Variants in HIBADH observed in about 807,000 individuals in gnomAD.
HIBADH encodes the protein 3-hydroxyisobutyrate dehydrogenase, mitochondrial.
HIBADH carries 25 observed loss-of-function variants against 36.1 expected under a neutral mutation model. That is an observed-to-expected ratio of 0.69 (90% CI 0.50 to 0.97). The LOEUF is 0.97. HIBADH is among the 50% of genes least tolerant of loss of function. The pLI is 0.00. For missense variants in HIBADH, 421 were observed against 418.0 expected (o/e 1.01, Z -0.06); for synonymous variants, 160 against 149.5 (o/e 1.07, Z -0.51).
At chr7:27,593,496 TA>T (rs34453577) in intron 4 of HIBADH, among the ~76,000 whole-genome samples, 8 of 151,162 alleles carry the variant, frequency 5.3e-5, no homozygotes, top group African/African-American at 9.7e-5. Context: ...AACATACATT[TA>T]AAAAAAAAGA....
intron 4 of HIBADH, among the ~76,000 whole-genome samples, chr7:27,613,531 A>C (rs1487927246): frequency 6.6e-6 from 1 of 151,984 alleles, no homozygotes; most frequent in Non-Finnish European, 1.5e-5. Context: ...GCTGGGAAGA[A>C]ATTTTAAGAA....
At chr7:27,612,386 C>T (rs1308565419) in intron 4 of HIBADH, among the ~76,000 whole-genome samples, 1 of 149,956 alleles carries the variant, frequency 6.7e-6, no homozygotes, top group Non-Finnish European at 1.5e-5. Flanking sequence ...AGTGCAATGG[C>T]TCGATGTCGG....
At chr7:27,620,874 A>G (rs757351315) in intron 4 of HIBADH, among the ~76,000 whole-genome samples, 24 of 152,158 alleles carry the variant, frequency 1.6e-4, no homozygotes, top group Non-Finnish European at 2.4e-4. Context: ...AAAGCCTTGC[A>G]TATCAATAAT....
intron 4 of HIBADH, among the ~76,000 whole-genome samples, chr7:27,585,533 A>G (rs1000818943): frequency 2.6e-5 from 4 of 152,216 alleles, no homozygotes; most frequent in Admixed American, 2.6e-4. Context: ...ATTTGCCTTC[A>G]TTGTGGCTCA....
intron 1 of HIBADH, among the ~76,000 whole-genome samples, chr7:27,660,664 G>GAAAAAAAAAAAATTTTTTTCGAGGGA: frequency 6.8e-6 from 1 of 147,720 alleles, no homozygotes; most frequent in East Asian, 2.0e-4. Context: ...GACTCCGAGG[G>GAAAAAAAAAAAATTTTTTTCGAGGGA]AAAAAAAAAA....
At chr7:27,613,118 ATATATT>A (rs1353793615) in intron 4 of HIBADH, among the ~76,000 whole-genome samples, 5 of 120,372 alleles carry the variant, frequency 4.2e-5, no homozygotes, top group Admixed American at 1.0e-4. Context: ...ATTCATATAA[ATATATT>A]TATATATATT....
rs1784141214 is a variant in HIBADH at position 27,540,982 on chromosome 7, AGC to A, written c.618+1983_618+1984del. Among the ~76,000 whole-genome samples, 4 of 152,184 alleles carry A rather than the reference AGC, an allele frequency of 2.6e-5. No individual in the cohort carries two copies. The South Asian group carries it at 8.3e-4, about 32-fold the overall frequency. ...AGCTGGTATTTATCTTTTCACTTAA[AGC>A]CTCAGAAGTTAGCAACTTTATAGAT... On this transcript the variant is annotated intron_variant, in intron 5 of 7. Transcript: ENST00000265395.
At chr7:27,555,169 G>C (rs1784373353) in intron 4 of HIBADH, among the ~76,000 whole-genome samples, 1 of 152,020 alleles carries the variant, frequency 6.6e-6, no homozygotes, top group African/African-American at 2.4e-5. Context: ...TAAAACCTTG[G>C]AATAAAATTT....
chr7:27,617,606 G>A (rs1190675911), intron 4 of HIBADH, among the ~76,000 whole-genome samples: 1 of 152,054 alleles, frequency 6.6e-6, no homozygotes, highest in Non-Finnish European at 1.5e-5. Context: ...AAACACCAGA[G>A]GCATAGAAAG....
intron 5 of HIBADH, among the ~76,000 whole-genome samples, chr7:27,542,087 T>C (rs1583560357): frequency 6.6e-6 from 1 of 152,244 alleles, no homozygotes; most frequent in African/African-American, 2.4e-5. Context: ...AACAGATTTG[T>C]GCATATTTAT....
intron 4 of HIBADH, among the ~76,000 whole-genome samples, chr7:27,556,989 A>C (rs561380701): frequency 1.4e-3 from 206 of 152,228 alleles, no homozygotes; most frequent in African/African-American, 4.7e-3. Context: ...AAATTTTTAA[A>C]ATTAGCTGAA....
chr7:27,546,548 G>A lies in HIBADH; in HGVS notation c.485-3448C>T, dbSNP rs188408850. On this transcript the variant is annotated intron_variant, in intron 4 of 7. Coordinates refer to ENST00000265395, the MANE Select transcript of HIBADH (RefSeq NM_152740.4). ...TTAGCCCCTCTTTTTAAGTATTAGC[G>A]GGTTTGGGCCGCACCTATAAATAAC... is the stretch of plus-strand genomic sequence containing the variant. 8.6e-4 allele frequency among the ~76,000 whole-genome samples: 131 copies of A among 152,194 alleles called. 2 individuals are homozygous for A. The highest frequency in any genetic ancestry group is 1.3e-3 in the African/African-American group (56 of 41,496).
intron 4 of HIBADH, among the ~76,000 whole-genome samples, chr7:27,559,114 C>T (rs1394813456): frequency 6.6e-6 from 1 of 152,146 alleles, no homozygotes; most frequent in Admixed American, 6.6e-5. Flanking sequence ...CCTGTGTCTT[C>T]CCATCATCTT....
At chr7:27,535,593 T>G (rs1273249530) in intron 6 of HIBADH, among the ~76,000 whole-genome samples, 18 of 152,148 alleles carry the variant, frequency 1.2e-4, no homozygotes, top group Admixed American at 1.2e-3. Flanking sequence ...ATGTTATTTC[T>G]ATGTGATACA....
At chr7:27,607,887 A>G (rs1346002279) in intron 4 of HIBADH, among the ~76,000 whole-genome samples, 1 of 152,224 alleles carries the variant, frequency 6.6e-6, no homozygotes, top group Non-Finnish European at 1.5e-5. Flanking sequence ...TAACTATTTC[A>G]GTGTCTGCCA....
intron 4 of HIBADH, 118 bp downstream of exon 4, chr7:27,629,253 T>G: frequency 4.1e-6 from 4 of 986,132 alleles, no homozygotes; most frequent in Non-Finnish European, 5.8e-6. Context: ...TTATTTTTAA[T>G]GAGAATCCTG....
chr7:27,582,343 T>C (rs1184188899), intron 4 of HIBADH, among the ~76,000 whole-genome samples: 1 of 152,164 alleles, frequency 6.6e-6, no homozygotes, highest in Non-Finnish European at 1.5e-5. Context: ...GTTGGTGTTT[T>C]GATTACAGGG....
At chr7:27,561,577 G>A (rs2128186841) in intron 4 of HIBADH, among the ~76,000 whole-genome samples, 1 of 152,144 alleles carries the variant, frequency 6.6e-6, no homozygotes, top group African/African-American at 2.4e-5. Context: ...GATGTGTCTT[G>A]AGAAATACAT....
At chr7:27,607,744 CA>C (rs5883093) in intron 4 of HIBADH, among the ~76,000 whole-genome samples, 98,515 of 148,758 alleles carry the variant, frequency 0.66, 32,635 homozygotes, top group East Asian at 0.97. Flanking sequence ...AAGAATGCTG[CA>C]AAAAAAAAAA....
Sources: gnomAD v4.1 joint callset for allele counts (sites outside exome capture counted in the v4.1 genomes callset) on GRCh38, gnomAD v4.1.1 for gene constraint, MANE v1.5 for transcripts, NCBI Gene and HGNC (gene_info 2026-07-23, HGNC 2026-07-21) for gene names.